LRBA: variants seen among roughly 807,000 people sequenced by gnomAD.
LRBA encodes LPS responsive beige-like anchor protein, also known as lipopolysaccharide-responsive and beige-like anchor protein.
A neutral mutation model predicts 330.0 loss-of-function variants in LRBA; 176 were observed. The ratio of observed to expected loss-of-function variants is 0.53; its 90% CI spans 0.47 to 0.60. The LOEUF is 0.60. LRBA is among the 20% of genes least tolerant of loss of function. LRBA has a pLI of 0.00. For missense variants in LRBA, 3,259 were observed against 3,444.8 expected, an observed-to-expected ratio of 0.95 and a Z score of 1.35; for synonymous variants, 1,230 against 1,193.0, an observed-to-expected ratio of 1.03 and a Z score of -0.64.
intron 46 of LRBA, among the ~76,000 whole-genome samples, chr4:150,420,003 G>A (rs1363065469): frequency 6.6e-6 from 1 of 150,550 alleles, no homozygotes; most frequent in Non-Finnish European, 1.5e-5. Context: ...TTGGGAGGCC[G>A]AGGCAGAAGG....
At chr4:150,492,637 C>A (rs1759106774) in intron 40 of LRBA, among the ~76,000 whole-genome samples, 1 of 152,094 alleles carries the variant, frequency 6.6e-6, no homozygotes, top group African/African-American at 2.4e-5. Flanking sequence ...AAATACAAAT[C>A]AGATCACATC....
Position 150,905,858 on chromosome 4 carries a change from A to T in LRBA, c.1735T>A (p.Trp579Arg). The change falls in exon 13 of 57, where the codon TGG (tryptophan) becomes AGG (arginine). Residue 579 changes from tryptophan (W) to arginine (R), a missense_variant. By Grantham distance (101) the Trp-to-Arg change is moderately radical. Transcript: ENST00000651943. ...CDHVLLNPAIWIHTPAKVQLM... is the reference protein window; with the variant it reads ...CDHVLLNPAIRIHTPAKVQLM... ...ATTACCTTGGCTGGGGTATGAATCC[A>T]TATGGCAGGATTAAGAAGAACGTGA... 1 of 1,613,400 alleles carries T rather than the reference A, an allele frequency of 6.2e-7. No individual in the cohort carries two copies. The highest frequency in any genetic ancestry group is 8.5e-7 in the Non-Finnish European group (1 of 1,179,484).
chr4:150,523,125 T>C (rs1763100663), intron 40 of LRBA, among the ~76,000 whole-genome samples: 1 of 152,208 alleles, frequency 6.6e-6, no homozygotes, highest in Non-Finnish European at 1.5e-5. Flanking sequence ...CGTTAAACTT[T>C]TGAGCTAGAA....
intron 44 of LRBA, among the ~76,000 whole-genome samples, chr4:150,438,938 T>C (rs559715104): frequency 6.6e-6 from 1 of 152,336 alleles, no homozygotes; most frequent in East Asian, 1.9e-4. Flanking sequence ...CACAGTAAAC[T>C]AATTTAAAAT....
Position 150,690,501 on chromosome 4 carries a change from C to CA in LRBA, c.5755-6785dup, listed in dbSNP as rs70941425. ...CTGGCAATAGAGCAAGACTCCATCT[C>CA]AAAAAAAAAAAAAAAAGGTAATAAC... On this transcript the variant is annotated intron_variant, in intron 36 of 56. Coordinates refer to ENST00000651943, the MANE Select transcript of LRBA (RefSeq NM_001364905.1). 7.8e-4 allele frequency among the ~76,000 whole-genome samples: 96 copies of CA among 123,776 alleles called. 1 individual carries two copies. Among genetic ancestry groups the CA allele is most frequent in the African/African-American group, 2.5e-3 (82 of 33,298 alleles). The allele number at this position is 123,776 out of a possible 152,430, so 81.2% of individuals were successfully genotyped here.
intron 37 of LRBA, among the ~76,000 whole-genome samples, chr4:150,635,763 T>C (rs1025325663): frequency 3.3e-5 from 5 of 152,178 alleles, no homozygotes; most frequent in Non-Finnish European, 1.5e-5. Context: ...TACCTTCCGA[T>C]TTTAAGCACC....
At chr4:150,923,261 T>C (rs1167820916) in intron 4 of LRBA, among the ~76,000 whole-genome samples, 1 of 152,088 alleles carries the variant, frequency 6.6e-6, no homozygotes, top group Non-Finnish European at 1.5e-5. Flanking sequence ...TAAGATACTT[T>C]ATCTACTTCT....
At chr4:150,664,506 G>A (rs1369700457) in intron 37 of LRBA, among the ~76,000 whole-genome samples, 1 of 152,016 alleles carries the variant, frequency 6.6e-6, no homozygotes, top group Non-Finnish European at 1.5e-5. Flanking sequence ...CATGCAGTGT[G>A]GATTTCATGC....
intron 2 of LRBA, among the ~76,000 whole-genome samples, chr4:150,991,389 T>C (rs1396239411): frequency 2.0e-5 from 3 of 152,210 alleles, no homozygotes; most frequent in South Asian, 4.1e-4. Context: ...CAAAGGCCTA[T>C]AGGCAAAGGT....
chr4:150,348,932 CAGA>C (rs981641909), intron 48 of LRBA, among the ~76,000 whole-genome samples: 1 of 152,106 alleles, frequency 6.6e-6, no homozygotes, highest in South Asian at 2.1e-4. Flanking sequence ...AAAATACCCC[CAGA>C]AGGAGTATTT....
intron 34 of LRBA, among the ~76,000 whole-genome samples, chr4:150,764,993 T>C (rs1382881525): frequency 6.6e-6 from 1 of 151,380 alleles, no homozygotes; most frequent in Non-Finnish European, 1.5e-5. Context: ...GCTTTATTCA[T>C]AAATGCCAAA....
At chr4:150,673,737 A>G (rs1782282346) in intron 37 of LRBA, among the ~76,000 whole-genome samples, 1 of 152,196 alleles carries the variant, frequency 6.6e-6, no homozygotes, top group South Asian at 2.1e-4. Context: ...TATAATCACA[A>G]CACAATTATT....
intron 47 of LRBA, among the ~76,000 whole-genome samples, chr4:150,367,831 ATATTCTTC>A (rs1739678464): frequency 6.6e-6 from 1 of 152,194 alleles, no homozygotes; most frequent in Admixed American, 6.5e-5. Context: ...TAATTCGTTC[ATATTCTTC>A]TATGAAGAAT....
At chr4:150,679,728 C>T (rs1318936746) in intron 37 of LRBA, 1 of 152,108 alleles carries the variant, frequency 6.6e-6, no homozygotes, top group Non-Finnish European at 1.5e-5. Flanking sequence ...AAACAGTCTC[C>T]TAAACTAATC....
chr4:151,007,121 A>G (rs910580537), intron 2 of LRBA, among the ~76,000 whole-genome samples: 4 of 152,246 alleles, frequency 2.6e-5, no homozygotes, highest in Non-Finnish European at 5.9e-5. Flanking sequence ...AAAAGAATTG[A>G]GTCCAGATAA....
At chr4:150,946,713 A>G (rs553595332) in intron 2 of LRBA, among the ~76,000 whole-genome samples, 1 of 152,186 alleles carries the variant, frequency 6.6e-6, no homozygotes, top group East Asian at 1.9e-4. Flanking sequence ...TAAGCCCAAA[A>G]CAAGCAGAAA....
intron 37 of LRBA, among the ~76,000 whole-genome samples, chr4:150,640,563 A>C (rs1041993431): frequency 8.5e-5 from 13 of 152,200 alleles, no homozygotes; most frequent in Admixed American, 7.9e-4. Flanking sequence ...ATTGCAAACT[A>C]CCTGTGATAT....
rs116763346 is a variant in LRBA, at chr4:150,502,440, C to A, written c.6331-11405G>T. Among the ~76,000 whole-genome samples, 604 of 152,328 alleles carry A rather than the reference C, an allele frequency of 4.0e-3. 1 individual carries two copies. The highest frequency in any genetic ancestry group is 6.0e-3 in the Non-Finnish European group (406 of 68,034). On this transcript the variant is annotated intron_variant, in intron 40 of 56. Transcript: ENST00000651943. ...CACAACTAGGCAAAAATCACTACAACTGGCATTCAATTCATAATTACTGGG... is the reference window on the plus strand; with the variant it reads ...CACAACTAGGCAAAAATCACTACAAATGGCATTCAATTCATAATTACTGGG...
intron 34 of LRBA, among the ~76,000 whole-genome samples, chr4:150,762,993 C>T (rs1006874940): frequency 5.9e-5 from 9 of 151,900 alleles, no homozygotes; most frequent in Non-Finnish European, 1.3e-4. Context: ...TTCATACTTA[C>T]CTTCTTTTGT....
Sources: allele counts gnomAD v4.1 joint callset (sites outside exome capture counted in the v4.1 genomes callset), GRCh38; gene constraint gnomAD v4.1.1; transcripts MANE v1.5; gene names NCBI Gene and HGNC (gene_info 2026-07-23, HGNC 2026-07-21).